CPM: variants seen among roughly 807,000 people sequenced by gnomAD.
CPM encodes renal carboxypeptidase.
A neutral mutation model predicts 46.4 loss-of-function variants in CPM; 35 were observed. The ratio of observed to expected loss-of-function variants is 0.75; its 90% CI spans 0.58 to 1.00. The LOEUF (loss-of-function observed/expected upper bound fraction) is 1.00. Among genes scored for constraint, CPM ranks in the 50% least tolerant of loss-of-function variants. The pLI, the probability that CPM is intolerant of heterozygous loss-of-function variation, is 0.00. For missense variants in CPM, 422 were observed against 530.4 expected (o/e 0.80, Z 2.01); for synonymous variants, 195 against 195.3 (o/e 1.00, Z 0.01).
intron 7 of CPM, among the ~76,000 whole-genome samples, chr12:68,865,679 T>C (rs926747404): frequency 2.6e-5 from 4 of 152,070 alleles, no homozygotes; most frequent in African/African-American, 4.8e-5. Flanking sequence ...ATAGCTATTA[T>C]GCCAATTCCT....
intron 1 of CPM, among the ~76,000 whole-genome samples, chr12:68,939,801 G>A (rs139101914): frequency 2.8e-4 from 42 of 152,134 alleles, no homozygotes; most frequent in African/African-American, 9.9e-4. Context: ...TGCCTGTTTG[G>A]CTCCTCATGA....
At chr12:68,933,387 G>A (rs1888600863), upstream of CPM, among the ~76,000 whole-genome samples, 1 of 152,088 alleles carries the variant, frequency 6.6e-6, no homozygotes, top group African/African-American at 2.4e-5. Context: ...TGAGCTGGGC[G>A]GAGGGCTGCG....
At chr12:68,894,309 C>T (rs1405857001) in intron 2 of CPM, among the ~76,000 whole-genome samples, 2 of 152,136 alleles carry the variant, frequency 1.3e-5, no homozygotes, top group Non-Finnish European at 2.9e-5. Flanking sequence ...GTGCCTGGCG[C>T]ACTGTAGGTT....
chr12:68,961,247 G>A (rs1351996504), intron 1 of CPM, among the ~76,000 whole-genome samples: 1 of 152,134 alleles, frequency 6.6e-6, no homozygotes, highest in Non-Finnish European at 1.5e-5. Context: ...GTGAGCTCAA[G>A]CGATCCTCCT....
At chr12:68,951,818 T>A (rs1888939870) in intron 1 of CPM, among the ~76,000 whole-genome samples, 1 of 152,052 alleles carries the variant, frequency 6.6e-6, no homozygotes, top group Admixed American at 6.5e-5. Context: ...GGAATGGAAA[T>A]ATAAGGCTAT....
chr12:68,891,947 G>C (rs532644620), intron 2 of CPM, among the ~76,000 whole-genome samples: 4 of 152,262 alleles, frequency 2.6e-5, no homozygotes, highest in Middle Eastern at 3.4e-3. Context: ...ATGTTGGCCA[G>C]GCTGGTCTCG....
At chr12:68,883,610 A>G (rs995148321) in intron 3 of CPM, among the ~76,000 whole-genome samples, 1 of 152,132 alleles carries the variant, frequency 6.6e-6, no homozygotes, top group African/African-American at 2.4e-5. Flanking sequence ...ACCAGACAAC[A>G]AGATGCCAGA....
At chr12:68,882,471 G>A (rs1453797754) in intron 3 of CPM, among the ~76,000 whole-genome samples, 1 of 152,070 alleles carries the variant, frequency 6.6e-6, no homozygotes, top group African/African-American at 2.4e-5. Context: ...TCTACCATTG[G>A]TGGGCATCTA....
chr12:68,911,628 A>C (rs1887598194), intron 2 of CPM, among the ~76,000 whole-genome samples: 1 of 152,242 alleles, frequency 6.6e-6, no homozygotes, highest in African/African-American at 2.4e-5. Context: ...GCCACGCTTC[A>C]AGGCTGCCAA....
chr12:68,939,137 G>C (rs1178511848), intron 1 of CPM, among the ~76,000 whole-genome samples: 2 of 144,236 alleles, frequency 1.4e-5, no homozygotes, highest in Non-Finnish European at 3.0e-5. Context: ...ATGTATATAT[G>C]TACATATATC....
In CPM at chr12:68,931,287, C is replaced by A. The variant is rs545387257; in HGVS notation, c.160+1391G>T. ...AAGAATATGGTAATTATGAGACTCT[C>A]AATTGACTCAAAAGTTCAGAGCTAA... On this transcript the variant is annotated intron_variant, in intron 2 of 8. Transcript: ENST00000551568. 2.0e-5 allele frequency among the ~76,000 whole-genome samples: 3 copies of A among 152,164 alleles called. No homozygotes were observed. The South Asian group carries it at 6.2e-4, about 32-fold the overall frequency.
rs1405375124 is a variant in CPM, at chr12:68,853,001, A to T, written c.*3436T>A. The T allele has an allele frequency of 6.6e-6, 1 of 152,352 alleles. No homozygotes were observed. The highest frequency in any genetic ancestry group is 2.4e-5 in the African/African-American group (1 of 41,454). 9.4% of individuals were successfully genotyped at this position (152,352 alleles called of 1,614,324 possible). On this transcript the variant is annotated 3_prime_UTR_variant, in exon 9 of 9. Transcript: ENST00000551568. ...CCACCAGCCCAAGAGGGAGGGGAAAAGCCGGAAAGGCGTTGGGCAGGGAGG... is the reference window on the plus strand; with the variant it reads ...CCACCAGCCCAAGAGGGAGGGGAAATGCCGGAAAGGCGTTGGGCAGGGAGG...
chr12:68,927,639 C>T (rs919898521), intron 2 of CPM, among the ~76,000 whole-genome samples: 2 of 152,044 alleles, frequency 1.3e-5, no homozygotes, highest in South Asian at 2.1e-4. Context: ...AGTCCTTGCC[C>T]GTGCCTATGT....
At chr12:68,939,023 A>G (rs1888717443) in intron 1 of CPM, among the ~76,000 whole-genome samples, 1 of 147,300 alleles carries the variant, frequency 6.8e-6, no homozygotes, top group Non-Finnish European at 1.5e-5. Context: ...ATATATAGAT[A>G]TTATGTACAT....
rs370704063 is a variant in CPM, at chr12:68,854,621, C to G, written c.*1816G>C. On this transcript the variant is annotated 3_prime_UTR_variant, in exon 9 of 9. Coordinates refer to ENST00000551568, the MANE Select transcript of CPM (RefSeq NM_198320.5). ...GAAAAAATGTAGTGGGTCATAATGG[C>G]ATTCCAGATACAGGGGACACAAACA... is the stretch of plus-strand genomic sequence containing the variant. 2.6e-5 allele frequency: 4 copies of G among 152,316 alleles called. No homozygotes were observed. In the East Asian group the frequency reaches 5.8e-4, roughly 22 times the overall value. The allele number at this position is 152,316 out of a possible 1,614,324, so 9.4% of individuals were successfully genotyped here.
chr12:68,957,321 GA>G lies in CPM; in HGVS notation c.-4+5847del, dbSNP rs10530969. The G allele has an allele frequency of 4.5e-3, 621 of 136,872 alleles. 2 individuals carry two copies. The highest frequency in any genetic ancestry group is 0.016 in the South Asian group (79 of 4,836). The allele number at this position is 136,872 out of a possible 1,614,324, so 8.5% of individuals were successfully genotyped here. A position where few individuals can be genotyped will look rare whatever the true frequency, so the allele number is the denominator to read the frequency against. ...TGCTGTGACCAAGCAGTGATTCTCA[GA>G]AAAAAAAAAAAAAAGTGGTCATGGA... On this transcript the variant is annotated intron_variant, in intron 1 of 8. Transcript: ENST00000546373.
chr12:68,952,022 C>T (rs1179918881), intron 1 of CPM, among the ~76,000 whole-genome samples: 3 of 152,000 alleles, frequency 2.0e-5, no homozygotes, highest in Admixed American at 2.0e-4. Flanking sequence ...CTCTCCTCTC[C>T]GGGACATGTT....
rs577641474 is a variant in CPM, at chr12:68,872,220, G to C, written c.259-264C>G. Among the ~76,000 whole-genome samples, 9 of 149,146 alleles carry C rather than the reference G, an allele frequency of 6.0e-5. No individual in the cohort carries two copies. The South Asian group carries it at 1.9e-3, about 32-fold the overall frequency. ...GTTTACATATTGCAAAAATGAATTA[G>C]AGTGGAATAATGCTGCTGCTGCTGC... is the stretch of plus-strand genomic sequence containing the variant. On this transcript the variant is annotated intron_variant, in intron 3 of 8. Transcript: ENST00000551568.
At chr12:68,931,466 C>T (rs551414523) in intron 2 of CPM, among the ~76,000 whole-genome samples, 2 of 151,796 alleles carry the variant, frequency 1.3e-5, no homozygotes, top group Admixed American at 6.6e-5. Context: ...GTATCTCGGC[C>T]GGGCACGGTG....
Sources: gnomAD v4.1 joint callset for allele counts (sites outside exome capture counted in the v4.1 genomes callset) on GRCh38, gnomAD v4.1.1 for gene constraint, MANE v1.5 for transcripts, NCBI Gene and HGNC (gene_info 2026-07-23, HGNC 2026-07-21) for gene names.